ZSWIM6: variants seen among roughly 807,000 people sequenced by gnomAD.
The protein encoded by ZSWIM6 is zinc finger SWIM domain-containing protein 6.
ZSWIM6 carries 9 observed loss-of-function variants against 113.2 expected under a neutral mutation model. That is an observed-to-expected ratio of 0.08 (90% CI 0.05 to 0.14). ZSWIM6 has a LOEUF of 0.14. ZSWIM6 is among the 10% of genes least tolerant of loss of function. ZSWIM6 has a pLI of 1.00. For synonymous variants in ZSWIM6, 611 were observed against 606.5 expected (o/e 1.01, Z -0.11); for missense variants, 1,162 against 1,552.2 (o/e 0.75, Z 4.22).
chr5:61,489,312 T>C (rs1748117594), intron 2 of ZSWIM6, among the ~76,000 whole-genome samples: 1 of 152,084 alleles, frequency 6.6e-6, no homozygotes, highest in African/African-American at 2.4e-5. Context: ...TCTCTGATGA[T>C]AGAGTCTTCC....
intron 1 of ZSWIM6, among the ~76,000 whole-genome samples, chr5:61,404,955 A>T (rs1417252420): frequency 6.6e-6 from 1 of 152,182 alleles, no homozygotes; most frequent in Admixed American, 6.5e-5. Flanking sequence ...TTCCCACCCT[A>T]ACCTTTGGAG....
chr5:61,542,519 T>C (rs1749767557), intron 13 of ZSWIM6, among the ~76,000 whole-genome samples: 1 of 152,218 alleles, frequency 6.6e-6, no homozygotes, highest in South Asian at 2.1e-4. Flanking sequence ...ATGGTTGCTA[T>C]TTAAAATAAA....
chr5:61,338,612 A>G (rs905477629), intron 1 of ZSWIM6, among the ~76,000 whole-genome samples: 25 of 152,202 alleles, frequency 1.6e-4, no homozygotes, highest in African/African-American at 5.5e-4. Context: ...TTGTTATCAT[A>G]CTTAGTTCTC....
At chr5:61,363,657 G>C (rs943964933) in intron 1 of ZSWIM6, among the ~76,000 whole-genome samples, 2 of 152,130 alleles carry the variant, frequency 1.3e-5, no homozygotes, top group East Asian at 3.9e-4. Flanking sequence ...AAGGATGGAC[G>C]TAAAAATACT....
intron 1 of ZSWIM6, among the ~76,000 whole-genome samples, chr5:61,470,500 A>G (rs1368737518): frequency 6.6e-6 from 1 of 152,160 alleles, no homozygotes; most frequent in Non-Finnish European, 1.5e-5. Context: ...TGCCCTCATT[A>G]TTCTTCATTT....
intron 1 of ZSWIM6, among the ~76,000 whole-genome samples, chr5:61,448,496 C>T (rs1747013974): frequency 6.6e-6 from 1 of 152,154 alleles, no homozygotes. Context: ...AACAATGCTA[C>T]TTCATTAAAA....
chr5:61,353,844 CAG>C (rs2112042887), intron 1 of ZSWIM6, among the ~76,000 whole-genome samples: 1 of 152,282 alleles, frequency 6.6e-6, no homozygotes, highest in Non-Finnish European at 1.5e-5. Context: ...CCTTCAGAAA[CAG>C]ATGAGTATAA....
intron 1 of ZSWIM6, among the ~76,000 whole-genome samples, chr5:61,431,638 G>A (rs1746583748): frequency 9.3e-6 from 1 of 107,334 alleles, no homozygotes; most frequent in Non-Finnish European, 2.0e-5. Context: ...CCAGCTACTC[G>A]GGAGGCTGAG....
In ZSWIM6 at chr5:61,505,724, C is replaced by A. The variant is rs1165071499; in HGVS notation, c.1333+11314C>A. Among the ~76,000 whole-genome samples, 10 of 133,386 alleles carry A rather than the reference C, an allele frequency of 7.5e-5. 1 individual carries two copies. The highest frequency in any genetic ancestry group is 1.4e-4 in the Non-Finnish European group (9 of 63,170). 87.5% of individuals were successfully genotyped at this position (133,386 alleles called of 152,430 possible). Reference sequence around the variant, plus strand: ...CCTTCCTCCCTTCCTTCCTTCCTTCCTTCCCTCTCTCTCTCTCTCTCTCTC... The same window carrying A: ...CCTTCCTCCCTTCCTTCCTTCCTTCATTCCCTCTCTCTCTCTCTCTCTCTC... On this transcript the variant is annotated intron_variant, in intron 4 of 13. Coordinates refer to ENST00000252744, the MANE Select transcript of ZSWIM6 (RefSeq NM_020928.2).
chr5:61,381,458 C>T (rs1473984952), intron 1 of ZSWIM6, among the ~76,000 whole-genome samples: 5 of 151,818 alleles, frequency 3.3e-5, no homozygotes, highest in Non-Finnish European at 7.4e-5. Context: ...CATTTTTTTC[C>T]TTTATGACTC....
At chr5:61,345,378 T>C (rs1473852854) in intron 1 of ZSWIM6, among the ~76,000 whole-genome samples, 3 of 152,204 alleles carry the variant, frequency 2.0e-5, no homozygotes, top group Non-Finnish European at 4.4e-5. Context: ...GAGCCAGTGT[T>C]ATGTAGATTG....
At chr5:61,401,070 T>A (rs1302347040) in intron 1 of ZSWIM6, among the ~76,000 whole-genome samples, 2 of 152,228 alleles carry the variant, frequency 1.3e-5, no homozygotes, top group East Asian at 3.8e-4. Flanking sequence ...TTTGGATTAG[T>A]GGTGTTAGCT....
chr5:61,541,244 T>C (rs554818933), intron 12 of ZSWIM6, among the ~76,000 whole-genome samples: 13 of 152,174 alleles, frequency 8.5e-5, no homozygotes, highest in Middle Eastern at 3.4e-3. Flanking sequence ...CACCTGACCG[T>C]CCCTGGATAT....
intron 1 of ZSWIM6, among the ~76,000 whole-genome samples, chr5:61,459,746 C>G (rs761419716): frequency 4.6e-5 from 7 of 152,162 alleles, no homozygotes; most frequent in Admixed American, 3.9e-4. Context: ...CTAAGTGCCA[C>G]CAGATCTTAG....
At chr5:61,394,930 G>A (rs749546158) in intron 1 of ZSWIM6, among the ~76,000 whole-genome samples, 3 of 152,134 alleles carry the variant, frequency 2.0e-5, no homozygotes, top group African/African-American at 7.2e-5. Flanking sequence ...GTTGTGTGCC[G>A]TGTTGAGGAG....
intron 1 of ZSWIM6, among the ~76,000 whole-genome samples, chr5:61,435,492 T>C (rs140376026): frequency 7.2e-5 from 11 of 152,350 alleles, no homozygotes; most frequent in African/African-American, 2.4e-4. Flanking sequence ...GAGTGTGTTT[T>C]ACTACTGCAG....
intron 1 of ZSWIM6, among the ~76,000 whole-genome samples, chr5:61,365,029 C>G (rs1188919441): frequency 6.6e-6 from 1 of 152,110 alleles, no homozygotes; most frequent in Non-Finnish European, 1.5e-5. Context: ...GACCCCTGCC[C>G]TATTATGGTT....
chr5:61,434,446 C>G (rs147293305), intron 1 of ZSWIM6, among the ~76,000 whole-genome samples: 51 of 150,232 alleles, frequency 3.4e-4, no homozygotes, highest in Admixed American at 6.0e-4. Context: ...CCTCACCCCC[C>G]TTTCACCTTT....
At chr5:61,383,963 C>T (rs1353829199) in intron 1 of ZSWIM6, among the ~76,000 whole-genome samples, 3 of 150,534 alleles carry the variant, frequency 2.0e-5, no homozygotes, top group South Asian at 2.1e-4. Context: ...TGAGAGTGGC[C>T]GGGCGCGGTG....
Sources: allele counts gnomAD v4.1 joint callset (sites outside exome capture counted in the v4.1 genomes callset), GRCh38; gene constraint gnomAD v4.1.1; transcripts MANE v1.5; gene names NCBI Gene and HGNC (gene_info 2026-07-23, HGNC 2026-07-21).